Variants in CDKL1 observed in about 807,000 individuals in gnomAD.
The protein encoded by CDKL1 is cyclin-dependent kinase-like 1.
Under a neutral mutation model 42.0 loss-of-function variants are expected in CDKL1, and 41 were observed. The observed-to-expected ratio is 0.98, with a 90% CI of 0.76 to 1.27. The LOEUF is 1.27. Ranked by LOEUF, CDKL1 falls within the 50% of genes most tolerant of loss-of-function variation. The pLI, the probability that CDKL1 is intolerant of heterozygous loss-of-function variation, is 0.00. For synonymous variants in CDKL1, 153 were observed against 158.6 expected (o/e 0.96, Z 0.26); for missense variants, 394 against 428.4 (o/e 0.92, Z 0.71).
At chr14:50,348,541 G>C (rs72683953) in intron 3 of CDKL1, among the ~76,000 whole-genome samples, 34,552 of 152,024 alleles carry the variant, frequency 0.23, 4,189 homozygotes, top group African/African-American at 0.29. Flanking sequence ...CTAGACTCTG[G>C]GAAACCCGGC....
intron 2 of CDKL1, among the ~76,000 whole-genome samples, chr14:50,382,356 G>A (rs773888179): frequency 4.6e-5 from 7 of 152,140 alleles, no homozygotes; most frequent in Non-Finnish European, 7.3e-5. Context: ...GGGAGGCTGA[G>A]GTAGGAATTG....
At chr14:50,390,370 A>G in intron 2 of CDKL1, 1 of 1,365,032 alleles carries the variant, frequency 7.3e-7, no homozygotes, top group Non-Finnish European at 9.8e-7. Flanking sequence ...TTTTTCTGCC[A>G]CTGCTGGCAG....
intron 2 of CDKL1, chr14:50,363,075 G>C (rs756923726): frequency 2.1e-5 from 8 of 388,868 alleles, no homozygotes; most frequent in African/African-American, 1.7e-4. Flanking sequence ...ACTGCCTTAA[G>C]AGCTGTAACA....
At chr14:50,392,444 C>T (rs2035284559) in intron 2 of CDKL1, among the ~76,000 whole-genome samples, 1 of 112,810 alleles carries the variant, frequency 8.9e-6, no homozygotes, top group Non-Finnish European at 1.9e-5. Flanking sequence ...AGACTGTCTC[C>T]AAAAAAGAAA....
intron 2 of CDKL1, among the ~76,000 whole-genome samples, chr14:50,385,534 G>C (rs913481749): frequency 1.3e-5 from 2 of 152,228 alleles, no homozygotes; most frequent in East Asian, 3.9e-4. Context: ...GGCCAGGCGT[G>C]GTGGCTCACA....
At chr14:50,386,770 CA>C (rs2035092754) in intron 2 of CDKL1, among the ~76,000 whole-genome samples, 1 of 151,808 alleles carries the variant, frequency 6.6e-6, no homozygotes, top group South Asian at 2.1e-4. Flanking sequence ...ACAAAGAATA[CA>C]AAGAATTGGC....
chr14:50,387,271 C>T (rs2035113291), intron 2 of CDKL1, among the ~76,000 whole-genome samples: 1 of 151,714 alleles, frequency 6.6e-6, no homozygotes, highest in Admixed American at 6.6e-5. Flanking sequence ...CCTGTAATCC[C>T]AGCACTTTGG....
chr14:50,331,406 G>A (rs1484171248), intron 9 of CDKL1: 1 of 152,566 alleles, frequency 6.6e-6, no homozygotes, highest in East Asian at 1.9e-4. Flanking sequence ...ACATATGATG[G>A]AGAATAAAAC....
chr14:50,371,571 T>A (rs1033304958), intron 2 of CDKL1, among the ~76,000 whole-genome samples: 9 of 152,242 alleles, frequency 5.9e-5, no homozygotes, highest in Non-Finnish European at 1.2e-4. Flanking sequence ...TTTCCCCCTT[T>A]TTTAGAGACA....
intron 2 of CDKL1, chr14:50,378,490 T>G: frequency 7.6e-7 from 1 of 1,313,588 alleles, no homozygotes. Context: ...AACTTGGGAC[T>G]TAATTCTTGA....
chr14:50,377,208 T>C (rs930105156), intron 2 of CDKL1, among the ~76,000 whole-genome samples: 7 of 152,290 alleles, frequency 4.6e-5, no homozygotes, highest in African/African-American at 1.7e-4. Context: ...CAGCTGTCCT[T>C]GGTTTTTGCT....
intron 2 of CDKL1, among the ~76,000 whole-genome samples, chr14:50,371,249 A>G (rs1489747244): frequency 6.6e-6 from 1 of 152,220 alleles, no homozygotes; most frequent in Non-Finnish European, 1.5e-5. Flanking sequence ...ACTTTTGGGT[A>G]AATACTCAGA....
Position 50,335,496 on chromosome 14 carries a change from A to G in CDKL1, c.739-875T>C, listed in dbSNP as rs930378854. 7 of 1,535,902 alleles carry G rather than the reference A, an allele frequency of 4.6e-6. No homozygotes were observed. In the African/African-American group the frequency reaches 5.5e-5, roughly 12 times the overall value. ...ACAGTCTCCTGTGGGGCATTCGTCA[A>G]TCTCCTTTTGGCCGTATAAGGCGAT... is the stretch of plus-strand genomic sequence containing the variant. On this transcript the variant is annotated intron_variant, in intron 7 of 9. Coordinates refer to ENST00000395834, the MANE Select transcript of CDKL1 (RefSeq NM_004196.7).
intron 8 of CDKL1, chr14:50,332,658 C>A (rs752856978): frequency 1.3e-5 from 20 of 1,531,912 alleles, no homozygotes; most frequent in Middle Eastern, 1.7e-4. Context: ...ATTTTCTCCA[C>A]CTTATTCTGT....
rs1454612837 is a variant in CDKL1, at chr14:50,329,739, GT to G, written c.*334del. ...GTGGTTCATTTTTCTTGTGTGGCAT[GT>G]GGTACAACTGAAGCATAAATCTTTT... On this transcript the variant is annotated 3_prime_UTR_variant, in exon 10 of 10. Transcript: ENST00000395834. 2.0e-5 allele frequency: 4 copies of G among 200,670 alleles called. No individual in the cohort carries two copies. The Admixed American group carries it at 2.2e-4, about 11-fold the overall frequency. 12.4% of individuals were successfully genotyped at this position (200,670 alleles called of 1,614,324 possible).
At chr14:50,364,355 G>C (rs1566595585) in intron 2 of CDKL1, among the ~76,000 whole-genome samples, 1 of 152,204 alleles carries the variant, frequency 6.6e-6, no homozygotes. Flanking sequence ...TGTAATCCCA[G>C]CTACTCGGGA....
In CDKL1 at chr14:50,390,098, T is replaced by G. The variant is rs774227482; in HGVS notation, c.168+5603A>C. On this transcript the variant is annotated intron_variant, in intron 2 of 9. Transcript: ENST00000395834. ...TAAGTAACAATGATACTTGGCAGTT[T>G]GTCCAAATTTACTAGGTCCCTTGCC... The G allele has an allele frequency of 4.7e-6, 6 of 1,263,456 alleles. No homozygotes were observed. In the Admixed American group the frequency reaches 9.5e-5, roughly 20 times the overall value. 78.3% of individuals were successfully genotyped at this position (1,263,456 alleles called of 1,614,324 possible). A position where few individuals can be genotyped will look rare whatever the true frequency, so the allele number is the denominator to read the frequency against.
At chr14:50,356,572 G>A (rs1374016082) in intron 3 of CDKL1, among the ~76,000 whole-genome samples, 5 of 152,140 alleles carry the variant, frequency 3.3e-5, no homozygotes, top group African/African-American at 1.2e-4. Context: ...GCAATCTAAC[G>A]CAGGAACAGA....
At position 50,339,032 on chromosome 14, in the gene CDKL1, T is replaced by C; in HGVS notation, c.656-3A>G. 1 of 1,598,966 alleles carries C rather than the reference T, an allele frequency of 6.3e-7. No individual in the cohort carries two copies. The highest frequency in any genetic ancestry group is 8.6e-7 in the Non-Finnish European group (1 of 1,166,166). ...CTGGTGCCTAGGAATGAGATCCCCTTTGGACAAGAAAAGAAAAAGGTAAGT... is the reference window on the plus strand; with the variant it reads ...CTGGTGCCTAGGAATGAGATCCCCTCTGGACAAGAAAAGAAAAAGGTAAGT... On this transcript the variant is annotated splice_polypyrimidine_tract_variant and splice_region_variant and intron_variant, in intron 6 of 9. Transcript: ENST00000395834.
Sources: gnomAD v4.1 joint callset for allele counts (sites outside exome capture counted in the v4.1 genomes callset) on GRCh38, gnomAD v4.1.1 for gene constraint, MANE v1.5 for transcripts, NCBI Gene and HGNC (gene_info 2026-07-23, HGNC 2026-07-21) for gene names.